Variants in ZNF804B observed in about 807,000 individuals in gnomAD.
ZNF804B encodes the protein zinc finger protein 804B, also known as zinc finger 804B.
Under a neutral mutation model 101.4 loss-of-function variants are expected in ZNF804B, and 80 were observed. That is an observed-to-expected ratio of 0.79 (90% CI 0.66 to 0.95). ZNF804B has a LOEUF of 0.95. Ranked by LOEUF, ZNF804B falls within the 40% of genes least tolerant of loss-of-function variation. The probability of loss-of-function intolerance (pLI) is 0.00; values close to 1 mark genes in which losing one functional copy is unlikely to be tolerated. For synonymous variants in ZNF804B, 622 were observed against 558.8 expected, an observed-to-expected ratio of 1.11 and a Z score of -1.59; for missense variants, 1,673 against 1,561.9, an observed-to-expected ratio of 1.07 and a Z score of -1.20.
intron 1 of ZNF804B, among the ~76,000 whole-genome samples, chr7:89,020,132 G>A (rs913507298): frequency 1.3e-5 from 2 of 151,882 alleles, no homozygotes; most frequent in Non-Finnish European, 2.9e-5. Context: ...TTTCTTTTTT[G>A]TACATAAGCA....
At position 88,897,135 on chromosome 7, in the gene ZNF804B, G is replaced by C. The variant is rs143263359; in HGVS notation, c.108+137051G>C. ...AAAGATATCCATGCATTAACCCCCA[G>C]AACCTGTGCATGTGTTACCTTACGT... On this transcript the variant is annotated intron_variant, in intron 1 of 3. Coordinates refer to ENST00000333190, the MANE Select transcript of ZNF804B (RefSeq NM_181646.5). Among the ~76,000 whole-genome samples the C allele has an allele frequency of 1.2e-4, 18 of 152,282 alleles. No individual in the cohort carries two copies. In the East Asian group the frequency reaches 3.5e-3, roughly 29 times the overall value.
chr7:89,044,628 A>G (rs1367419252), intron 1 of ZNF804B, among the ~76,000 whole-genome samples: 1 of 152,128 alleles, frequency 6.6e-6, no homozygotes, highest in Admixed American at 6.5e-5. Flanking sequence ...TCAGATGGAG[A>G]TGAGGAACTT....
intron 1 of ZNF804B, among the ~76,000 whole-genome samples, chr7:88,811,245 T>A (rs7787762): frequency 6.6e-6 from 1 of 151,874 alleles, no homozygotes; most frequent in Non-Finnish European, 1.5e-5. Flanking sequence ...TTGCAGCCAA[T>A]AAACAAGCAA....
intron 1 of ZNF804B, among the ~76,000 whole-genome samples, chr7:88,787,582 AAAC>A (rs1488566069): frequency 6.6e-6 from 1 of 152,178 alleles, no homozygotes; most frequent in Non-Finnish European, 1.5e-5. Context: ...TGAAGTGTTT[AAAC>A]GTTCTTCAAA....
chr7:89,187,665 A>C (rs1193839502), intron 1 of ZNF804B, among the ~76,000 whole-genome samples: 1 of 152,152 alleles, frequency 6.6e-6, no homozygotes, highest in Non-Finnish European at 1.5e-5. Context: ...TGAGTAAATC[A>C]TTGTGGAAAC....
intron 1 of ZNF804B, among the ~76,000 whole-genome samples, chr7:89,154,906 A>AT (rs1181428014): frequency 2.6e-5 from 4 of 152,130 alleles, no homozygotes; most frequent in African/African-American, 4.8e-5. Context: ...GTGTTACAGG[A>AT]TTTTTTGTAA....
chr7:89,254,655 T>A (rs575561880), intron 2 of ZNF804B, among the ~76,000 whole-genome samples: 6,142 of 150,256 alleles, frequency 0.041, 130 homozygotes, highest in Non-Finnish European at 0.049. Context: ...TTTATTATTT[T>A]TTTTTTTTGA....
intron 1 of ZNF804B, among the ~76,000 whole-genome samples, chr7:89,092,170 C>A (rs1789899157): frequency 6.6e-6 from 1 of 151,306 alleles, no homozygotes; most frequent in African/African-American, 2.4e-5. Context: ...TAGCTGTATC[C>A]TCACATGGTG....
chr7:89,146,102 T>C (rs947023085), intron 1 of ZNF804B, among the ~76,000 whole-genome samples: 8 of 152,032 alleles, frequency 5.3e-5, no homozygotes, highest in Non-Finnish European at 7.4e-5. Flanking sequence ...CTGGAAACAT[T>C]ATTACTATGA....
intron 1 of ZNF804B, among the ~76,000 whole-genome samples, chr7:89,147,641 G>A (rs1305027841): frequency 2.0e-5 from 3 of 151,948 alleles, no homozygotes; most frequent in South Asian, 2.1e-4. Flanking sequence ...AGCCATGAGC[G>A]AGAAATCTTC....
chr7:88,877,304 C>G (rs1791968978), intron 1 of ZNF804B, among the ~76,000 whole-genome samples: 1 of 151,430 alleles, frequency 6.6e-6, no homozygotes, highest in Non-Finnish European at 1.5e-5. Context: ...TTCTCACTCT[C>G]TCTCAGCATT....
chr7:89,014,477 T>A, intron 1 of ZNF804B, among the ~76,000 whole-genome samples: 1 of 152,072 alleles, frequency 6.6e-6, no homozygotes, highest in East Asian at 1.9e-4. Flanking sequence ...CTGCGACGCC[T>A]GGCTAATTTT....
chr7:88,942,848 C>T (rs1793075327), intron 1 of ZNF804B, among the ~76,000 whole-genome samples: 1 of 151,820 alleles, frequency 6.6e-6, no homozygotes, highest in African/African-American at 2.4e-5. Context: ...ATATTCACCA[C>T]TGAGTATCTT....
chr7:89,060,869 A>G (rs1163778181), intron 1 of ZNF804B, among the ~76,000 whole-genome samples: 3 of 152,154 alleles, frequency 2.0e-5, no homozygotes, highest in Admixed American at 1.3e-4. Flanking sequence ...TTTTTTGTAC[A>G]TCGGCATTTG....
intron 1 of ZNF804B, among the ~76,000 whole-genome samples, chr7:88,809,795 C>T (rs1275533479): frequency 2.6e-5 from 4 of 152,256 alleles, no homozygotes; most frequent in South Asian, 2.1e-4. Context: ...AGAGTGAGTG[C>T]TTCCTGCCCC....
At chr7:89,171,285 G>GCTTCTTCTTCTTCTTCTT (rs1554373340) in intron 1 of ZNF804B, among the ~76,000 whole-genome samples, 54 of 64,668 alleles carry the variant, frequency 8.4e-4, no homozygotes, top group South Asian at 1.8e-3. Flanking sequence ...TAATGCTGCT[G>GCTTCTTCTTCTTCTTCTT]CTGCTTCTTC....
intron 2 of ZNF804B, among the ~76,000 whole-genome samples, chr7:89,276,806 A>T (rs117130083): frequency 6.6e-6 from 1 of 151,966 alleles, no homozygotes; most frequent in East Asian, 1.9e-4. Context: ...TTAATCATAT[A>T]TTTGTACTTA....
intron 2 of ZNF804B, among the ~76,000 whole-genome samples, chr7:89,242,322 T>C (rs1305554629): frequency 6.6e-6 from 1 of 151,988 alleles, no homozygotes; most frequent in African/African-American, 2.4e-5. Context: ...AATAAATTGG[T>C]ACATCTCAAT....
intron 1 of ZNF804B, among the ~76,000 whole-genome samples, chr7:88,843,493 T>C (rs967901151): frequency 6.6e-5 from 10 of 152,118 alleles, no homozygotes; most frequent in African/African-American, 2.4e-4. Flanking sequence ...ATCCCAGCAC[T>C]TGGGGAGGCT....
Sources: gnomAD v4.1 joint callset for allele counts (sites outside exome capture counted in the v4.1 genomes callset) on GRCh38, gnomAD v4.1.1 for gene constraint, MANE v1.5 for transcripts, NCBI Gene and HGNC (gene_info 2026-07-23, HGNC 2026-07-21) for gene names.